Variants in ABCA13 observed in about 807,000 individuals in gnomAD.
ABCA13 encodes ATP binding cassette subfamily A member 13.
In ABCA13, 476 loss-of-function variants were observed where a neutral mutation model predicts 478.7. That is an observed-to-expected ratio of 0.99 (90% confidence interval 0.92 to 1.07). The LOEUF is 1.07. Ranked by LOEUF, ABCA13 falls within the 50% of genes least tolerant of loss-of-function variation. The pLI, the probability that ABCA13 is intolerant of heterozygous loss-of-function variation, is 0.00. For synonymous variants in ABCA13, 2,252 were observed against 2,158.9 expected (o/e 1.04, Z -1.20); for missense variants, 6,060 against 5,910.6 (o/e 1.03, Z -0.83).
intron 33 of ABCA13, 137 bp downstream of exon 33, chr7:48,372,634 T>A (rs1369231578): frequency 2.6e-6 from 2 of 766,824 alleles, no homozygotes; most frequent in Admixed American, 3.2e-5. Context: ...ATCTGCTTTT[T>A]AAAATCTTAC....
rs537054366 is a variant in ABCA13 at position 48,597,167 on chromosome 7, G to C, written c.14744+2354G>C. On this transcript the variant is annotated intron_variant, in intron 58 of 61. Coordinates refer to ENST00000435803, the MANE Select transcript of ABCA13 (RefSeq NM_152701.5). ...GGGTTTCACCGTGTTAGCCAGGATG[G>C]TCTCGATCTCCTGACCTTGTGATCC... 4.4e-3 allele frequency among the ~76,000 whole-genome samples: 676 copies of C among 152,206 alleles called. 5 individuals carry two copies. Among genetic ancestry groups the C allele is most frequent in the African/African-American group, 0.015 (635 of 41,556 alleles).
At chr7:48,211,527 C>T (rs1022507321) in intron 3 of ABCA13, among the ~76,000 whole-genome samples, 1 of 152,042 alleles carries the variant, frequency 6.6e-6, no homozygotes, top group Non-Finnish European at 1.5e-5. Context: ...AGGGGTGATG[C>T]AGGCACTCCC....
chr7:48,622,806 C>G (rs1339702576), intron 59 of ABCA13, among the ~76,000 whole-genome samples: 1 of 152,146 alleles, frequency 6.6e-6, no homozygotes, highest in Non-Finnish European at 1.5e-5. Flanking sequence ...GACAATCCTA[C>G]AAAGTAGCTG....
rs76646128 is a variant in ABCA13 at position 48,295,651 on chromosome 7, A to T, written c.8956-49A>T. 13 of 1,604,456 alleles carry T rather than the reference A, an allele frequency of 8.1e-6. No individual in the cohort carries two copies. The African/African-American group carries it at 1.7e-4, about 21-fold the overall frequency. On this transcript the variant is annotated intron_variant, in intron 20 of 61. Transcript: ENST00000435803. ...ACTAATGAGAATAAATCAAAATCTT[A>T]CAGATAAGTATGTGTGCTTCTAACC...
At chr7:48,231,706 G>A (rs1047688687) in intron 7 of ABCA13, among the ~76,000 whole-genome samples, 11 of 152,054 alleles carry the variant, frequency 7.2e-5, no homozygotes, top group African/African-American at 2.7e-4. Flanking sequence ...CTTTTGCCCA[G>A]GCGGCAGTGC....
intron 40 of ABCA13, 52 bp from the exon 41 acceptor site, chr7:48,412,301 A>G: frequency 1.4e-6 from 2 of 1,384,990 alleles, no homozygotes; most frequent in Non-Finnish European, 2.0e-6. Flanking sequence ...ATTGATGTAT[A>G]TATGGATTAA....
intron 27 of ABCA13, among the ~76,000 whole-genome samples, chr7:48,332,757 G>A (rs1805606258): frequency 6.6e-6 from 1 of 152,136 alleles, no homozygotes; most frequent in Non-Finnish European, 1.5e-5. Flanking sequence ...CGTGATAAAT[G>A]TTAGGCTACT....
At chr7:48,209,742 A>T (rs112339857) in intron 3 of ABCA13, among the ~76,000 whole-genome samples, 6 of 152,198 alleles carry the variant, frequency 3.9e-5, no homozygotes, top group Non-Finnish European at 5.9e-5. Flanking sequence ...TGCAAATTCA[A>T]TGTAATTTCT....
chr7:48,609,939 A>G (rs1791860712), intron 58 of ABCA13, among the ~76,000 whole-genome samples: 1 of 152,204 alleles, frequency 6.6e-6, no homozygotes, highest in Non-Finnish European at 1.5e-5. Flanking sequence ...TTGACATGAT[A>G]TTTGGGCAGG....
chr7:48,425,757 T>TTTA (rs1215137536), intron 41 of ABCA13, among the ~76,000 whole-genome samples: 61 of 112,682 alleles, frequency 5.4e-4, no homozygotes, highest in Admixed American at 1.3e-3. Context: ...TTATTTATTT[T>TTTA]TTCGAGATGG....
In ABCA13 at chr7:48,389,086, G is replaced by A. The variant is rs1397905467; in HGVS notation, c.11520G>A (p.Pro3840=). The stretch of plus-strand genomic sequence containing the variant: ...AAGGAGAGCTTGAAGGAAGTGCCCC[G>A]GGAGTCACCCTGGTGTCTGTGACCA... ...NREGELEGSA[P]GVTLVSVTKE... The change falls in exon 37 of 62, where the codon CCG becomes CCA. Residue 3840 remains proline (P), a synonymous_variant. Transcript: ENST00000435803. 1.2e-5 allele frequency: 20 copies of A among 1,613,860 alleles called. No homozygotes were observed. Among genetic ancestry groups the A allele is most frequent in the East Asian group, 4.5e-5 (2 of 44,874 alleles).
chr7:48,540,909 G>A (rs1015401706), intron 55 of ABCA13, among the ~76,000 whole-genome samples: 13 of 151,822 alleles, frequency 8.6e-5, no homozygotes, highest in African/African-American at 2.4e-4. Context: ...TCCTACTATC[G>A]TAACTCTCAA....
At chr7:48,613,892 G>A (rs1165975540) in intron 58 of ABCA13, among the ~76,000 whole-genome samples, 2 of 147,088 alleles carry the variant, frequency 1.4e-5, no homozygotes, top group Non-Finnish European at 3.0e-5. Flanking sequence ...TACCAATTTT[G>A]TAACATATTT....
chr7:48,341,066 T>C (rs1016710197), intron 29 of ABCA13, among the ~76,000 whole-genome samples: 1 of 152,240 alleles, frequency 6.6e-6, no homozygotes, highest in Non-Finnish European at 1.5e-5. Flanking sequence ...ACTATGGTAA[T>C]ATGACCATTT....
At chr7:48,542,979 A>G (rs1423704440) in intron 55 of ABCA13, among the ~76,000 whole-genome samples, 5 of 151,816 alleles carry the variant, frequency 3.3e-5, no homozygotes, top group Non-Finnish European at 7.4e-5. Flanking sequence ...TTAATCGATA[A>G]GAGAAAATCA....
intron 1 of ABCA13, among the ~76,000 whole-genome samples, chr7:48,174,709 T>G (rs1794610251): frequency 6.6e-6 from 1 of 152,172 alleles, no homozygotes; most frequent in African/African-American, 2.4e-5. Context: ...CCTAATTAAC[T>G]TTTGTGGTCT....
intron 59 of ABCA13, among the ~76,000 whole-genome samples, chr7:48,635,867 A>T (rs1000709570): frequency 2.6e-5 from 4 of 152,232 alleles, no homozygotes. Flanking sequence ...ATCTTGCTGT[A>T]TACAGAAAAA....
At chr7:48,245,788 C>T in intron 12 of ABCA13, 75 bp from the exon 13 acceptor site, 1 of 1,470,910 alleles carries the variant, frequency 6.8e-7, no homozygotes, top group East Asian at 2.3e-5. Context: ...ATTATATTTG[C>T]AGTTCTTGAG....
intron 15 of ABCA13, among the ~76,000 whole-genome samples, chr7:48,254,067 C>T (rs1016772487): frequency 6.6e-6 from 1 of 151,732 alleles, no homozygotes; most frequent in African/African-American, 2.4e-5. Context: ...TTAAGAAATT[C>T]TTTCTGCAGA....
Sources: allele counts gnomAD v4.1 joint callset (sites outside exome capture counted in the v4.1 genomes callset), GRCh38; gene constraint gnomAD v4.1.1; transcripts MANE v1.5; gene names NCBI Gene and HGNC (gene_info 2026-07-23, HGNC 2026-07-21).